Variants in GRIK3 observed in about 807,000 individuals in gnomAD.
GRIK3 encodes glutamate receptor ionotropic, kainate 3.
In GRIK3, 29 loss-of-function variants were observed where a neutral mutation model predicts 102.5. The observed-to-expected ratio is 0.28, with a 90% CI of 0.21 to 0.39. The LOEUF is 0.39. GRIK3 is among the 10% of genes least tolerant of loss of function. The pLI, the probability that GRIK3 is intolerant of heterozygous loss-of-function variation, is 1.00. For synonymous variants in GRIK3, 511 were observed against 504.9 expected, an observed-to-expected ratio of 1.01 and a Z score of -0.16; for missense variants, 908 against 1,252.4, an observed-to-expected ratio of 0.73 and a Z score of 4.15.
intron 1 of GRIK3, among the ~76,000 whole-genome samples, chr1:36,982,208 T>C (rs979378951): frequency 6.6e-6 from 1 of 151,984 alleles, no homozygotes; most frequent in African/African-American, 2.4e-5. Context: ...GAGGAGTGAG[T>C]GCGTGGTGCT....
intron 1 of GRIK3, among the ~76,000 whole-genome samples, chr1:36,943,247 G>GCA (rs1403458452): frequency 4.6e-5 from 7 of 152,048 alleles, no homozygotes; most frequent in Non-Finnish European, 1.0e-4. Flanking sequence ...GGCTGGGGCA[G>GCA]CACATAAAAC....
intron 1 of GRIK3, among the ~76,000 whole-genome samples, chr1:37,008,124 G>A (rs1642551841): frequency 6.6e-6 from 1 of 152,248 alleles, no homozygotes; most frequent in Non-Finnish European, 1.5e-5. Flanking sequence ...GGGCCTGGTT[G>A]AGAGGCTTTG....
chr1:36,900,823 T>A (rs922812852), intron 1 of GRIK3, among the ~76,000 whole-genome samples: 1 of 151,842 alleles, frequency 6.6e-6, no homozygotes, highest in Non-Finnish European at 1.5e-5. Context: ...CAATTAAGAA[T>A]AAAAAAGAGA....
intron 9 of GRIK3, among the ~76,000 whole-genome samples, chr1:36,849,181 C>T (rs1290707077): frequency 2.0e-5 from 3 of 152,192 alleles, no homozygotes; most frequent in South Asian, 2.1e-4. Flanking sequence ...CCTTCCTGTT[C>T]CATGACATCT....
chr1:37,003,718 C>G (rs1220491028), intron 1 of GRIK3, among the ~76,000 whole-genome samples: 1 of 152,196 alleles, frequency 6.6e-6, no homozygotes, highest in Non-Finnish European at 1.5e-5. Context: ...CCTTTGGTCC[C>G]CAAGACAGCC....
Position 36,862,885 on chromosome 1 carries a change from C to T in GRIK3, c.787-2868G>A, listed in dbSNP as rs550398549. Among the ~76,000 whole-genome samples, 32 of 152,304 alleles carry T rather than the reference C, an allele frequency of 2.1e-4. 1 individual carries two copies. In the South Asian group the frequency reaches 6.2e-3, roughly 30 times the overall value. On this transcript the variant is annotated intron_variant, in intron 5 of 15. Transcript: ENST00000373091. ...TTTGACACATGTTTATGTTCTGCCT[C>T]GTCTGGCAGGAGGTTGTGACAGCTA...
chr1:36,914,089 C>T (rs142220626), intron 1 of GRIK3, among the ~76,000 whole-genome samples: 1,622 of 152,282 alleles, frequency 0.011, 20 homozygotes, highest in African/African-American at 0.022. Context: ...CCCACGGTGC[C>T]GGGGCAGGTG....
chr1:36,906,178 C>A (rs1265585609), intron 1 of GRIK3, among the ~76,000 whole-genome samples: 2 of 152,208 alleles, frequency 1.3e-5, no homozygotes, highest in African/African-American at 4.8e-5. Context: ...CGCAGGGCAG[C>A]CGAGAAGAAC....
chr1:36,983,069 C>A (rs1642266725), intron 1 of GRIK3, among the ~76,000 whole-genome samples: 4 of 152,168 alleles, frequency 2.6e-5, no homozygotes, highest in Admixed American at 2.6e-4. Flanking sequence ...CACACAGCCA[C>A]ACAATCGCAC....
At position 36,920,680 on chromosome 1, in the gene GRIK3, G is replaced by A. The variant is rs78176661; in HGVS notation, c.116-29584C>T. Among the ~76,000 whole-genome samples, 618 of 152,292 alleles carry A rather than the reference G, an allele frequency of 4.1e-3. 6 individuals carry two copies. The highest frequency in any genetic ancestry group is 0.014 in the African/African-American group (591 of 41,550). The stretch of plus-strand genomic sequence containing the variant: ...TCCAGCCCTGTTCTCTGAGGAGGAT[G>A]AGCCCAGGCTGGCCTCCAAGGCCTC... On this transcript the variant is annotated intron_variant, in intron 1 of 15. Coordinates refer to ENST00000373091, the MANE Select transcript of GRIK3 (RefSeq NM_000831.4).
At chr1:36,802,766 C>T (rs1437734065) in intron 15 of GRIK3, among the ~76,000 whole-genome samples, 2 of 152,164 alleles carry the variant, frequency 1.3e-5, no homozygotes, top group Non-Finnish European at 2.9e-5. Flanking sequence ...CTCAACTTAC[C>T]TAGTGAGGCC....
intron 6 of GRIK3, 54 bp downstream of exon 6, chr1:36,859,790 A>G: frequency 7.3e-7 from 1 of 1,362,126 alleles, no homozygotes; most frequent in African/African-American, 1.4e-5. Flanking sequence ...GAGAGAAGAA[A>G]AGAAGGGAGG....
At chr1:36,959,321 A>G (rs1165501692) in intron 1 of GRIK3, among the ~76,000 whole-genome samples, 1 of 89,532 alleles carries the variant, frequency 1.1e-5, no homozygotes, top group African/African-American at 4.1e-5. Context: ...GTGCCCCATG[A>G]CTCTGTGTGC....
At chr1:36,925,534 C>A (rs988646220) in intron 1 of GRIK3, among the ~76,000 whole-genome samples, 1 of 152,208 alleles carries the variant, frequency 6.6e-6, no homozygotes, top group Non-Finnish European at 1.5e-5. Flanking sequence ...GGCGGTAAGC[C>A]CCAGATGTTG....
At chr1:36,828,168 G>C (rs1176431732) in intron 10 of GRIK3, among the ~76,000 whole-genome samples, 1 of 152,116 alleles carries the variant, frequency 6.6e-6, no homozygotes, top group Admixed American at 6.5e-5. Flanking sequence ...AGCCCCTGCT[G>C]GGGCTGTAGA....
rs952762431 is a variant in GRIK3, at chr1:36,841,628, T to G, written c.1530+108A>C. 5 of 921,306 alleles carry G rather than the reference T, an allele frequency of 5.4e-6. No individual in the cohort carries two copies. The East Asian group carries it at 1.2e-4, about 23-fold the overall frequency. The allele number at this position is 921,306 out of a possible 1,614,324, so 57.1% of individuals were successfully genotyped here. ...TTGCAGCATTCATCTCCATCACTCC[T>G]GTCCCCAGGGCCTTTTTCTGCCAGG... On this transcript the variant is annotated intron_variant, in intron 10 of 15. Coordinates refer to ENST00000373091, the MANE Select transcript of GRIK3 (RefSeq NM_000831.4).
chr1:36,935,077 C>T (rs190452469), intron 1 of GRIK3, among the ~76,000 whole-genome samples: 11 of 152,234 alleles, frequency 7.2e-5, no homozygotes, highest in African/African-American at 2.6e-4. Flanking sequence ...TAGTTAATAA[C>T]TCTATTCTGT....
intron 1 of GRIK3, among the ~76,000 whole-genome samples, chr1:36,976,589 C>T (rs1378510579): frequency 6.6e-6 from 1 of 152,022 alleles, no homozygotes; most frequent in Non-Finnish European, 1.5e-5. Context: ...TCACAACTGC[C>T]CAGATTGAGG....
chr1:36,882,767 G>A (rs548444379), intron 2 of GRIK3, among the ~76,000 whole-genome samples: 1 of 152,360 alleles, frequency 6.6e-6, no homozygotes, highest in African/African-American at 2.4e-5. Context: ...TGCTCATAAA[G>A]AGGGGCGCCT....
Sources: allele counts gnomAD v4.1 joint callset (sites outside exome capture counted in the v4.1 genomes callset), GRCh38; gene constraint gnomAD v4.1.1; transcripts MANE v1.5; gene names NCBI Gene and HGNC (gene_info 2026-07-23, HGNC 2026-07-21).